OR2AG1: variants seen among roughly 807,000 people sequenced by gnomAD.
OR2AG1 encodes the protein olfactory receptor family 2 subfamily AG member 1, also known as olfactory receptor 2AG1.
For synonymous variants in OR2AG1, 157 were observed against 155.6 expected, an observed-to-expected ratio of 1.01 and a Z score of -0.07; for missense variants, 391 against 385.9, an observed-to-expected ratio of 1.01 and a Z score of -0.11.
rs1297886433 is a variant in OR2AG1, at chr11:6,790,794, A to G, written c.*4806A>G. 1 of 152,232 alleles carries G rather than the reference A, an allele frequency of 6.6e-6. No individual in the cohort carries two copies. Among genetic ancestry groups the G allele is most frequent in the Non-Finnish European group, 1.5e-5 (1 of 68,058 alleles). 9.4% of individuals were successfully genotyped at this position (152,232 alleles called of 1,614,324 possible). Reference sequence around the variant, plus strand: ...GAACAGGAAGGAACGCAGAGTAATGACAGCAAACAGTGAAGCTATAGGATA... The same window carrying G: ...GAACAGGAAGGAACGCAGAGTAATGGCAGCAAACAGTGAAGCTATAGGATA... On this transcript the variant is annotated 3_prime_UTR_variant, in exon 2 of 2. Transcript: ENST00000641258.
Position 6,783,183 on chromosome 11 carries a change from T to A in OR2AG1, c.-309T>A, listed in dbSNP as rs866610006. ...CACAGGCGTGAGAACAAGAAAGTAATCTTCTTCCTATATAGGAAACTACCC... is the reference window on the plus strand; with the variant it reads ...CACAGGCGTGAGAACAAGAAAGTAAACTTCTTCCTATATAGGAAACTACCC... On this transcript the variant is annotated 5_prime_UTR_variant, in exon 1 of 2. Coordinates refer to ENST00000641258, the MANE Select transcript of OR2AG1 (RefSeq NM_001004489.3). 3.9e-5 allele frequency: 6 copies of A among 152,212 alleles called. No individual in the cohort carries two copies. Among genetic ancestry groups the A allele is most frequent in the South Asian group, 2.1e-4 (1 of 4,830 alleles). The allele number at this position is 152,212 out of a possible 1,614,324, so 9.4% of individuals were successfully genotyped here.
At position 6,787,368 on chromosome 11, in the gene OR2AG1, C is replaced by T. The variant is rs905831446; in HGVS notation, c.*1380C>T. The T allele has an allele frequency of 6.6e-6, 1 of 152,132 alleles. No individual in the cohort carries two copies. Among genetic ancestry groups the T allele is most frequent in the Non-Finnish European group, 1.5e-5 (1 of 68,010 alleles). 9.4% of individuals were successfully genotyped at this position (152,132 alleles called of 1,614,324 possible). On this transcript the variant is annotated 3_prime_UTR_variant, in exon 2 of 2. Transcript: ENST00000641258. Reference sequence around the variant, plus strand: ...TATTTCTATAACTTTTAGCATATTACTTAACCTGTTTGTGCCCAAGTCTGC... The same window carrying T: ...TATTTCTATAACTTTTAGCATATTATTTAACCTGTTTGTGCCCAAGTCTGC...
rs942495901 is a variant in OR2AG1, at chr11:6,788,610, T to C, written c.*2622T>C. The C allele has an allele frequency of 9.9e-5, 15 of 152,196 alleles. No homozygotes were observed. The highest frequency in any genetic ancestry group is 2.2e-4 in the Non-Finnish European group (15 of 68,032). The allele number at this position is 152,196 out of a possible 1,614,324, so 9.4% of individuals were successfully genotyped here. A position where few individuals can be genotyped will look rare whatever the true frequency, so the allele number is the denominator to read the frequency against. On this transcript the variant is annotated 3_prime_UTR_variant, in exon 2 of 2. Transcript: ENST00000641258. Reference sequence around the variant, plus strand: ...TTTGTAATTTGAGCATTTTTTACAATACTCAGCCTTGCCTTCCTGAACATG... The same window carrying C: ...TTTGTAATTTGAGCATTTTTTACAACACTCAGCCTTGCCTTCCTGAACATG...
At position 6,785,373 on chromosome 11, in the gene OR2AG1, C is replaced by G. The variant is rs746900593; in HGVS notation, c.336C>G (p.Asp112Glu). The G allele has an allele frequency of 6.2e-7, 1 of 1,614,086 alleles. No homozygotes were observed. Among genetic ancestry groups the G allele is most frequent in the Non-Finnish European group, 8.5e-7 (1 of 1,180,038 alleles). ...FLALTMGGAEDLLLAFMAYDR... is the reference protein window; with the variant it reads ...FLALTMGGAEELLLAFMAYDR... ...CACTGACAATGGGTGGTGCTGAGGA[C>G]CTCCTACTGGCCTTCATGGCCTATG... is the stretch of plus-strand genomic sequence containing the variant. The change falls in exon 2 of 2, where the codon GAC becomes GAG. Residue 112 changes from aspartate (D) to glutamate (E), a missense_variant. Physicochemically the swap from Asp to Glu is conservative, Grantham distance 45. Transcript: ENST00000641258.
chr11:6,785,277 G>C lies in OR2AG1; in HGVS notation c.240G>C (p.Lys80Asn). 11 of 1,614,126 alleles carry C rather than the reference G, an allele frequency of 6.8e-6. No individual in the cohort carries two copies. The highest frequency in any genetic ancestry group is 8.5e-6 in the Non-Finnish European group (10 of 1,180,012). The change falls in exon 2 of 2, where the codon AAG becomes AAC. Residue 80 changes from lysine (K) to asparagine (N), a missense_variant. Coordinates refer to ENST00000641258, the MANE Select transcript of OR2AG1 (RefSeq NM_001004489.3). ...TGTTCACATCTGTTGTCACTCCCAA[G>C]GCCCTTGCGGACTTTCTGCGCAGAG... ...DLLFTSVVTP[K>N]ALADFLRREN...
In OR2AG1 at chr11:6,788,440, T is replaced by C. The variant is rs1847649534; in HGVS notation, c.*2452T>C. ...ATTATTTTACTACCTTCATCAGACA[T>C]GTTCTAGTAAGCTATATTTTGGCTA... On this transcript the variant is annotated 3_prime_UTR_variant, in exon 2 of 2. Transcript: ENST00000641258. 6.6e-6 allele frequency: 1 copy of C among 152,196 alleles called. No individual in the cohort carries two copies. The highest frequency in any genetic ancestry group is 1.5e-5 in the Non-Finnish European group (1 of 68,012). 9.4% of individuals were successfully genotyped at this position (152,196 alleles called of 1,614,324 possible).
Position 6,789,085 on chromosome 11 carries a change from C to T in OR2AG1, c.*3097C>T, listed in dbSNP as rs1847658288. The T allele has an allele frequency of 1.3e-5, 2 of 150,250 alleles. No individual in the cohort carries two copies. Among genetic ancestry groups the T allele is most frequent in the African/African-American group, 4.9e-5 (2 of 40,944 alleles). The allele number at this position is 150,250 out of a possible 1,614,324, so 9.3% of individuals were successfully genotyped here. A position where few individuals can be genotyped will look rare whatever the true frequency, so the allele number is the denominator to read the frequency against. On this transcript the variant is annotated 3_prime_UTR_variant, in exon 2 of 2. Coordinates refer to ENST00000641258, the MANE Select transcript of OR2AG1 (RefSeq NM_001004489.3). ...TTTTCTCCTCTGCTGATCTTCTATT[C>T]GCATCTTAACACACTTTCAATCAAG...
chr11:6,785,737 AG>A lies in OR2AG1; in HGVS notation c.702del (p.Lys235ArgfsTer11). 1 of 1,614,110 alleles carries A rather than the reference AG, an allele frequency of 6.2e-7. No homozygotes were observed. On this transcript the variant is annotated frameshift_variant, in exon 2 of 2. Coordinates refer to ENST00000641258, the MANE Select transcript of OR2AG1 (RefSeq NM_001004489.3). LOFTEE classifies it high-confidence loss of function. ...TVLHMPSNEG[R>X]KKALVTCSSH... Reference sequence around the variant, plus strand: ...GCTCCATATGCCATCAAATGAGGGGAGGAAGAAAGCCCTTGTCACCTGCTCT... The same window carrying A: ...GCTCCATATGCCATCAAATGAGGGGAGAAGAAAGCCCTTGTCACCTGCTCT...
rs1490955593 is a variant in OR2AG1 at position 6,788,664 on chromosome 11, CTCAG to C, written c.*2682_*2685del. ...CATGACTATACTTCTGGAACCTAGTCTCAGTCAGTTTTAAAATGAACATTCCACA... is the reference window on the plus strand; with the variant it reads ...CATGACTATACTTCTGGAACCTAGTCTCAGTTTTAAAATGAACATTCCACA... On this transcript the variant is annotated 3_prime_UTR_variant, in exon 2 of 2. Coordinates refer to ENST00000641258, the MANE Select transcript of OR2AG1 (RefSeq NM_001004489.3). 2.0e-5 allele frequency: 3 copies of C among 152,108 alleles called. No individual in the cohort carries two copies. The highest frequency in any genetic ancestry group is 4.4e-5 in the Non-Finnish European group (3 of 68,022). The allele number at this position is 152,108 out of a possible 1,614,324, so 9.4% of individuals were successfully genotyped here. A position where few individuals can be genotyped will look rare whatever the true frequency, so the allele number is the denominator to read the frequency against.
In OR2AG1 at chr11:6,788,951, T is replaced by TAAAG. The variant is rs1554921424; in HGVS notation, c.*2964_*2967dup. On this transcript the variant is annotated 3_prime_UTR_variant, in exon 2 of 2. Transcript: ENST00000641258. ...ATAAATAAATAAATAAATAAATAAA[T>TAAAG]AAAGTAAGAAGTCTTTGCATGACTC... 4 of 148,602 alleles carry TAAAG rather than the reference T, an allele frequency of 2.7e-5. No homozygotes were observed. Among genetic ancestry groups the TAAAG allele is most frequent in the African/African-American group, 5.0e-5 (2 of 39,954 alleles). 9.2% of individuals were successfully genotyped at this position (148,602 alleles called of 1,614,324 possible). A position where few individuals can be genotyped will look rare whatever the true frequency, so the allele number is the denominator to read the frequency against.
rs1275626058 is a variant in OR2AG1 at position 6,785,769 on chromosome 11, C to T, written c.732C>T (p.His244=). Residue 244 remains histidine, a synonymous_variant, in exon 2 of 2, where the codon CAC becomes CAT. Coordinates refer to ENST00000641258, the MANE Select transcript of OR2AG1 (RefSeq NM_001004489.3). ...RKKALVTCSS[H]LTVVGMFYGA... ...AAGCCCTTGTCACCTGCTCTTCCCA[C>T]CTGACTGTGGTTGGGATGTTCTATG... 7.4e-6 allele frequency: 12 copies of T among 1,614,060 alleles called. No individual in the cohort carries two copies. The highest frequency in any genetic ancestry group is 4.0e-5 in the African/African-American group (3 of 74,924).
chr11:6,783,953 A>T (rs1345679619), intron 1 of OR2AG1, among the ~76,000 whole-genome samples: 1 of 152,244 alleles, frequency 6.6e-6, no homozygotes, highest in African/African-American at 2.4e-5. Flanking sequence ...CTTCACTTCA[A>T]AATCTTTAAC....
At position 6,785,062 on chromosome 11, in the gene OR2AG1, G is replaced by C; in HGVS notation, c.25G>C (p.Gly9Arg). ...CATGGAGCTCTGGAACTTCACCTTG[G>C]GAAGTGGCTTCATTTTGGTGGGGAT... MELWNFTLGSGFILVGILN... is the reference protein window; with the variant it reads MELWNFTLRSGFILVGILN... Residue 9 changes from glycine to arginine, a missense_variant, in exon 2 of 2, where the codon GGA (glycine) becomes CGA (arginine). Physicochemically the swap from Gly to Arg is moderately radical, Grantham distance 125. Coordinates refer to ENST00000641258, the MANE Select transcript of OR2AG1 (RefSeq NM_001004489.3). 1 of 1,610,828 alleles carries C rather than the reference G, an allele frequency of 6.2e-7. No homozygotes were observed. Among genetic ancestry groups the C allele is most frequent in the Non-Finnish European group, 8.5e-7 (1 of 1,177,742 alleles).
At position 6,786,494 on chromosome 11, in the gene OR2AG1, T is replaced by TC. The variant is rs1847629690; in HGVS notation, c.*507dup. On this transcript the variant is annotated 3_prime_UTR_variant, in exon 2 of 2. Transcript: ENST00000641258. ...TTGCTTGTATTTGCATTGTACTTGC[T>TC]CTTTTTTTTCTTTCTAAACATCAGC... The TC allele has an allele frequency of 6.6e-6, 1 of 152,500 alleles. No individual in the cohort carries two copies. Among genetic ancestry groups the TC allele is most frequent in the South Asian group, 2.1e-4 (1 of 4,834 alleles). The allele number at this position is 152,500 out of a possible 1,614,324, so 9.4% of individuals were successfully genotyped here.
Position 6,790,655 on chromosome 11 carries a change from A to C in OR2AG1, c.*4667A>C, listed in dbSNP as rs1334017711. The C allele has an allele frequency of 1.3e-5, 2 of 152,238 alleles. No homozygotes were observed. Among genetic ancestry groups the C allele is most frequent in the African/African-American group, 4.8e-5 (2 of 41,456 alleles). The allele number at this position is 152,238 out of a possible 1,614,324, so 9.4% of individuals were successfully genotyped here. A position where few individuals can be genotyped will look rare whatever the true frequency, so the allele number is the denominator to read the frequency against. On this transcript the variant is annotated 3_prime_UTR_variant, in exon 2 of 2. Coordinates refer to ENST00000641258, the MANE Select transcript of OR2AG1 (RefSeq NM_001004489.3). ...ACATTTCTAAAGCTGCTTTGTCTTCATTATAGGAATGTAAAATATTACCTC... is the reference window on the plus strand; with the variant it reads ...ACATTTCTAAAGCTGCTTTGTCTTCCTTATAGGAATGTAAAATATTACCTC...
Position 6,789,370 on chromosome 11 carries a change from T to A in OR2AG1, c.*3382T>A, listed in dbSNP as rs1847664783. 6.6e-6 allele frequency: 1 copy of A among 152,196 alleles called. No individual in the cohort carries two copies. Among genetic ancestry groups the A allele is most frequent in the Admixed American group, 6.5e-5 (1 of 15,272 alleles). 9.4% of individuals were successfully genotyped at this position (152,196 alleles called of 1,614,324 possible). On this transcript the variant is annotated 3_prime_UTR_variant, in exon 2 of 2. Coordinates refer to ENST00000641258, the MANE Select transcript of OR2AG1 (RefSeq NM_001004489.3). ...TTTCCACATTCAGATGATACAAACA[T>A]GGACTTCCCTGTCTTCTCAATCAAG...
In OR2AG1 at chr11:6,787,663, GTGTGTGTGTGTGTGTGTGTGTATGTCTC is replaced by G. The variant is rs1300493252; in HGVS notation, c.*1689_*1716del. 5 of 149,100 alleles carry G rather than the reference GTGTGTGTGTGTGTGTGTGTGTATGTCTC, an allele frequency of 3.4e-5. No individual in the cohort carries two copies. In the South Asian group the frequency reaches 8.4e-4, roughly 25 times the overall value. 9.2% of individuals were successfully genotyped at this position (149,100 alleles called of 1,614,324 possible). The stretch of plus-strand genomic sequence containing the variant: ...TTACCTTTAACATTGTCGTGTGTGT[GTGTGTGTGTGTGTGTGTGTGTATGTCTC>G]TGTGTGTGTGTGTATGTGTGTGTGA... On this transcript the variant is annotated 3_prime_UTR_variant, in exon 2 of 2. Transcript: ENST00000641258.
intron 1 of OR2AG1, among the ~76,000 whole-genome samples, chr11:6,784,536 C>A (rs1259338711): frequency 6.6e-6 from 1 of 152,188 alleles, no homozygotes; most frequent in African/African-American, 2.4e-5. Context: ...AGGCTTTCAT[C>A]TACTGCCTTG....
At chr11:6,784,433 C>T in intron 1 of OR2AG1, among the ~76,000 whole-genome samples, 1 of 152,220 alleles carries the variant, frequency 6.6e-6, no homozygotes, top group East Asian at 1.9e-4. Flanking sequence ...TTGTCTCAGG[C>T]AGTCCATTAT....
Sources: allele counts gnomAD v4.1 joint callset (sites outside exome capture counted in the v4.1 genomes callset), GRCh38; gene constraint gnomAD v4.1.1; transcripts MANE v1.5; gene names NCBI Gene and HGNC (gene_info 2026-07-23, HGNC 2026-07-21).